Variants in TXLNB observed in about 807,000 individuals in gnomAD.
TXLNB encodes the protein taxilin beta.
TXLNB carries 37 observed loss-of-function variants against 57.4 expected under a neutral mutation model. That is an observed-to-expected ratio of 0.64 (90% CI 0.50 to 0.85). The LOEUF (loss-of-function observed/expected upper bound fraction) is 0.85, where lower values mean the gene tolerates loss of function less well. TXLNB is among the 40% of genes least tolerant of loss of function. The pLI is 0.00. For missense variants in TXLNB, 848 were observed against 825.6 expected (o/e 1.03, Z -0.33); for synonymous variants, 302 against 309.6 (o/e 0.98, Z 0.26).
At chr6:139,270,394 G>T (rs1166978356) in intron 4 of TXLNB, 62 bp downstream of exon 4, 4 of 1,473,346 alleles carry the variant, frequency 2.7e-6, no homozygotes, top group Non-Finnish European at 2.8e-6. Context: ...TCCATGAGTA[G>T]CAGAGGCCTG....
At chr6:139,319,133 G>C in the TXLNB span, among the ~76,000 whole-genome samples, 1 of 151,648 alleles carries the variant, frequency 6.6e-6, no homozygotes, top group Admixed American at 6.6e-5. Context: ...CAGTAGAGAC[G>C]GGGTTTTACC....
At chr6:139,306,970 T>C in the TXLNB span, among the ~76,000 whole-genome samples, 2 of 152,230 alleles carry the variant, frequency 1.3e-5, no homozygotes, top group Non-Finnish European at 2.9e-5. Flanking sequence ...AGTTGCTATT[T>C]TGAACCTAAG....
At chr6:139,173,881 GA>G in the TXLNB span, among the ~76,000 whole-genome samples, 1 of 152,170 alleles carries the variant, frequency 6.6e-6, no homozygotes, top group African/African-American at 2.4e-5. Context: ...TGAGGACAAG[GA>G]TAGTTAACAG....
chr6:139,282,800 TG>T (rs1777085375), intron 2 of TXLNB, among the ~76,000 whole-genome samples: 1 of 145,802 alleles, frequency 6.9e-6, no homozygotes, highest in Admixed American at 6.7e-5. Context: ...CCTTGCTTTA[TG>T]ACTAATCTCA....
chr6:139,320,404 C>G, the TXLNB span, among the ~76,000 whole-genome samples: 2 of 152,292 alleles, frequency 1.3e-5, no homozygotes, highest in East Asian at 3.9e-4. Flanking sequence ...TCCTTGCTAG[C>G]TCGTTATGAG....
the TXLNB span, among the ~76,000 whole-genome samples, chr6:139,205,374 G>A: frequency 2.6e-5 from 4 of 152,046 alleles, no homozygotes; most frequent in African/African-American, 4.8e-5. Context: ...TAATCCACCC[G>A]CCTCAGCCTC....
the TXLNB span, among the ~76,000 whole-genome samples, chr6:139,193,852 T>A: frequency 0.017 from 1,917 of 110,560 alleles, 19 homozygotes; most frequent in Middle Eastern, 0.028. Context: ...TTTTTTTTTT[T>A]TTTTTTTGAG....
the TXLNB span, among the ~76,000 whole-genome samples, chr6:139,310,734 G>C: frequency 1.3e-5 from 2 of 152,072 alleles, no homozygotes; most frequent in Non-Finnish European, 2.9e-5. Context: ...TCACTCTGTC[G>C]CCCAGGCTGG....
the TXLNB span, among the ~76,000 whole-genome samples, chr6:139,214,410 C>T: frequency 1.3e-5 from 2 of 152,142 alleles, no homozygotes; most frequent in African/African-American, 2.4e-5. Context: ...CAGAAAAGGC[C>T]TTTGACAAAA....
At chr6:139,239,347 C>G (rs1396384798), downstream of TXLNB, 5 of 152,240 alleles carry the variant, frequency 3.3e-5, no homozygotes, top group Non-Finnish European at 7.3e-5. This position sits in a 1 kb window ranked among gnomAD's most constrained non-coding sequence, Gnocchi z 4.7. Context: ...GAAACGTGGT[C>G]TCGTGGGAGG....
At chr6:139,170,867 T>TG in the TXLNB span, among the ~76,000 whole-genome samples, 2 of 152,010 alleles carry the variant, frequency 1.3e-5, no homozygotes, top group Admixed American at 6.6e-5. Context: ...TGAGGCTTTG[T>TG]AGTCTAGATG....
chr6:139,267,646 A>G (rs1402776226), intron 4 of TXLNB, among the ~76,000 whole-genome samples: 1 of 152,206 alleles, frequency 6.6e-6, no homozygotes, highest in East Asian at 1.9e-4. Context: ...TAAGTACATT[A>G]TATGTTAATG....
the TXLNB span, among the ~76,000 whole-genome samples, chr6:139,171,425 G>A: frequency 1.3e-5 from 2 of 152,158 alleles, no homozygotes; most frequent in Non-Finnish European, 2.9e-5. Context: ...GAAGTTGAAC[G>A]TTTGATGTAA....
chr6:139,200,647 T>G, the TXLNB span, among the ~76,000 whole-genome samples: 1 of 152,150 alleles, frequency 6.6e-6, no homozygotes, highest in African/African-American at 2.4e-5. Context: ...AGATTTGGGA[T>G]GTAAAATCAG....
the TXLNB span, among the ~76,000 whole-genome samples, chr6:139,216,009 CTT>C: frequency 6.6e-6 from 1 of 152,006 alleles, no homozygotes; most frequent in Admixed American, 6.6e-5. Context: ...AATAGGAACA[CTT>C]TTACACTGTT....
the TXLNB span, among the ~76,000 whole-genome samples, chr6:139,321,717 C>T: frequency 1.3e-5 from 2 of 148,486 alleles, no homozygotes; most frequent in Admixed American, 1.3e-4. Flanking sequence ...CTGCAAGCTC[C>T]ACCTCCCGGG....
At chr6:139,270,354 A>G in intron 4 of TXLNB, 102 bp downstream of exon 4, 1 of 1,162,584 alleles carries the variant, frequency 8.6e-7, no homozygotes, top group Non-Finnish European at 1.2e-6. Flanking sequence ...TTTGAACCCA[A>G]GCCTCTCTGA....
the TXLNB span, among the ~76,000 whole-genome samples, chr6:139,302,173 CAT>C: frequency 6.6e-6 from 1 of 151,868 alleles, no homozygotes; most frequent in African/African-American, 2.4e-5. Flanking sequence ...AGTTGAATAT[CAT>C]ATGAATTAAG....
At chr6:139,275,302 T>C (rs1488332719) in intron 3 of TXLNB, among the ~76,000 whole-genome samples, 1 of 152,196 alleles carries the variant, frequency 6.6e-6, no homozygotes, top group Non-Finnish European at 1.5e-5. Flanking sequence ...GACACAACTT[T>C]TACAAAATAT....
Sources: gnomAD v4.1 joint callset for allele counts (sites outside exome capture counted in the v4.1 genomes callset) on GRCh38, gnomAD v4.1.1 for gene constraint, Gnocchi (gnomAD v3.1) non-coding constraint, MANE v1.5 for transcripts, NCBI Gene and HGNC (gene_info 2026-07-23, HGNC 2026-07-21) for gene names.